Variants in SLC6A7 observed in about 807,000 individuals in gnomAD.
SLC6A7 encodes the protein solute carrier family 6 member 7, also known as sodium-dependent proline transporter.
Under a neutral mutation model 73.1 loss-of-function variants are expected in SLC6A7, and 58 were observed. The ratio of observed to expected loss-of-function variants is 0.79; its 90% CI spans 0.64 to 0.99. The LOEUF is 0.99. Among genes scored for constraint, SLC6A7 ranks in the 50% least tolerant of loss-of-function variants. The pLI, the probability that SLC6A7 is intolerant of heterozygous loss-of-function variation, is 0.00. For missense variants in SLC6A7, 783 were observed against 831.4 expected, an observed-to-expected ratio of 0.94 and a Z score of 0.72; for synonymous variants, 338 against 338.7, an observed-to-expected ratio of 1.00 and a Z score of 0.02.
In SLC6A7 at chr5:150,199,222, C is replaced by A. The variant is rs748110370; in HGVS notation, c.585-6C>A. The A allele has an allele frequency of 1.9e-6, 3 of 1,588,010 alleles. No homozygotes were observed. Among genetic ancestry groups the A allele is most frequent in the Admixed American group, 3.5e-5 (2 of 57,920 alleles). ...CAGGGGACACTGAGACCTTTGTCTC[C>A]CACAGCCGCTACGTCCTCCACATCC... is the stretch of plus-strand genomic sequence containing the variant. On this transcript the variant is annotated splice_region_variant and splice_polypyrimidine_tract_variant and intron_variant, in intron 4 of 13. Transcript: ENST00000230671.
At position 150,190,352 on chromosome 5, in the gene SLC6A7, C is replaced by T; in HGVS notation, c.25C>T (p.Leu9Phe). 1 of 1,504,916 alleles carries T rather than the reference C, an allele frequency of 6.6e-7. No homozygotes were observed. Among genetic ancestry groups the T allele is most frequent in the South Asian group, 1.3e-5 (1 of 79,434 alleles). The allele number at this position is 1,504,916 out of a possible 1,614,324, so 93.2% of individuals were successfully genotyped here. A position where few individuals can be genotyped will look rare whatever the true frequency, so the allele number is the denominator to read the frequency against. Residue 9 changes from leucine to phenylalanine, a missense_variant, in exon 1 of 14, where the codon CTC becomes TTC. Leu to Phe is a conservative substitution (Grantham distance 22). Coordinates refer to ENST00000230671, the MANE Select transcript of SLC6A7 (RefSeq NM_014228.5). ...GATGAAGAAGCTCCAGGGAGCTCAC[C>T]TCCGCAAGGTAGGGCACGAGGGCGG... MKKLQGAH[L>F]RKPVTPDLLM...
chr5:150,201,925 G>A (rs1753404797), intron 6 of SLC6A7, among the ~76,000 whole-genome samples: 1 of 152,170 alleles, frequency 6.6e-6, no homozygotes, highest in Admixed American at 6.5e-5. Flanking sequence ...CGGTCCAGAG[G>A]GGTGACCTGG....
Position 150,207,871 on chromosome 5 carries a change from G to A in SLC6A7, c.1702-1535G>A, listed in dbSNP as rs371980782. On this transcript the variant is annotated intron_variant, in intron 13 of 13. Transcript: ENST00000230671. ...CAATTTTAGGCCAGGGGTTCTCACAGGGGGTGATTTTGCCCTTGGGGGACA... is the reference window on the plus strand; with the variant it reads ...CAATTTTAGGCCAGGGGTTCTCACAAGGGGTGATTTTGCCCTTGGGGGACA... Among the ~76,000 whole-genome samples the A allele has an allele frequency of 1.1e-4, 16 of 152,188 alleles. No individual in the cohort carries two copies. In the East Asian group the frequency reaches 3.1e-3, roughly 29 times the overall value.
At chr5:150,206,657 C>A (rs1312247044) in intron 13 of SLC6A7, among the ~76,000 whole-genome samples, 1 of 152,252 alleles carries the variant, frequency 6.6e-6, no homozygotes, top group African/African-American at 2.4e-5. Context: ...CACAGGGGCA[C>A]CCTGGAGTCT....
rs2113961529 is a variant in SLC6A7 at position 150,190,324 on chromosome 5, C to T, written c.-4C>T. 1 of 1,512,500 alleles carries T rather than the reference C, an allele frequency of 6.6e-7. No individual in the cohort carries two copies. Among genetic ancestry groups the T allele is most frequent in the Non-Finnish European group, 8.8e-7 (1 of 1,131,256 alleles). 93.7% of individuals were successfully genotyped at this position (1,512,500 alleles called of 1,614,324 possible). Reference sequence around the variant, plus strand: ...AGCTGAGCCCCGGCCACCCGCTCTCCAAGATGAAGAAGCTCCAGGGAGCTC... The same window carrying T: ...AGCTGAGCCCCGGCCACCCGCTCTCTAAGATGAAGAAGCTCCAGGGAGCTC... On this transcript the variant is annotated 5_prime_UTR_variant, in exon 1 of 14. Coordinates refer to ENST00000230671, the MANE Select transcript of SLC6A7 (RefSeq NM_014228.5).
intron 13 of SLC6A7, 55 bp from the exon 14 acceptor site, chr5:150,209,351 C>A: frequency 6.9e-7 from 1 of 1,445,630 alleles, no homozygotes; most frequent in Non-Finnish European, 9.7e-7. Context: ...CACAGTGAAC[C>A]CTCCACCAGC....
chr5:150,208,255 G>C (rs1753796328), intron 13 of SLC6A7, among the ~76,000 whole-genome samples: 1 of 152,142 alleles, frequency 6.6e-6, no homozygotes, highest in African/African-American at 2.4e-5. Flanking sequence ...GATGGTCAGA[G>C]AAGACCTCTC....
rs758120753 is a variant in SLC6A7, at chr5:150,209,849, T to C, written c.*234T>C. On this transcript the variant is annotated 3_prime_UTR_variant, in exon 14 of 14. Coordinates refer to ENST00000230671, the MANE Select transcript of SLC6A7 (RefSeq NM_014228.5). ...CAGACCCACTCAAAGCTGAGAATGA[T>C]CCAACTCAGCCCTACTTTGCGGATG... The C allele has an allele frequency of 1.2e-5, 7 of 566,086 alleles. No individual in the cohort carries two copies. The highest frequency in any genetic ancestry group is 4.2e-5 in the South Asian group (2 of 47,886). 35.1% of individuals were successfully genotyped at this position (566,086 alleles called of 1,614,324 possible). A position where few individuals can be genotyped will look rare whatever the true frequency, so the allele number is the denominator to read the frequency against.
intron 8 of SLC6A7, among the ~76,000 whole-genome samples, chr5:150,203,420 A>G (rs939713876): frequency 6.6e-6 from 1 of 152,186 alleles, no homozygotes; most frequent in Non-Finnish European, 1.5e-5. Flanking sequence ...ATACATAAGT[A>G]TATTTCAATG....
rs781035764 is a variant in SLC6A7, at chr5:150,205,632, G to A, written c.1701+9G>A. 2.5e-6 allele frequency: 4 copies of A among 1,599,354 alleles called. No individual in the cohort carries two copies. The highest frequency in any genetic ancestry group is 1.1e-5 in the South Asian group (1 of 88,282). The stretch of plus-strand genomic sequence containing the variant: ...AGGGCTCACTCTGGGAGGTGAGTCT[G>A]CCCACCCTGTCCACTCTCAGCCTTC... On this transcript the variant is annotated intron_variant, in intron 13 of 13. Transcript: ENST00000230671.
At chr5:150,209,172 C>T (rs570079940) in intron 13 of SLC6A7, among the ~76,000 whole-genome samples, 84 of 152,342 alleles carry the variant, frequency 5.5e-4, no homozygotes, top group Middle Eastern at 3.4e-3. Context: ...CACCCAGAGC[C>T]GAGCGGCATT....
At chr5:150,205,380 A>C in intron 12 of SLC6A7, 76 bp from the exon 13 acceptor site, 2 of 1,279,984 alleles carry the variant, frequency 1.6e-6, no homozygotes, top group Non-Finnish European at 2.2e-6. Context: ...TTGGGCTGGC[A>C]CTAGGCTGGG....
intron 13 of SLC6A7, among the ~76,000 whole-genome samples, chr5:150,208,418 C>G (rs1402951168): frequency 6.6e-6 from 1 of 152,070 alleles, no homozygotes; most frequent in Non-Finnish European, 1.5e-5. Flanking sequence ...GCGGCTGGAG[C>G]AGAGGGGGTG....
At chr5:150,191,903 C>T (rs1752805080) in intron 1 of SLC6A7, among the ~76,000 whole-genome samples, 1 of 151,908 alleles carries the variant, frequency 6.6e-6, no homozygotes, top group African/African-American at 2.4e-5. Context: ...CAAGCTTTAT[C>T]TCATTTAATC....
intron 13 of SLC6A7, among the ~76,000 whole-genome samples, chr5:150,207,245 G>A (rs1341774993): frequency 1.3e-5 from 2 of 152,024 alleles, no homozygotes; most frequent in African/African-American, 4.8e-5. Context: ...CAATAGGCAG[G>A]TTTTTTTGTC....
chr5:150,205,692 G>A (rs1374737010), intron 13 of SLC6A7, 69 bp downstream of exon 13: 2 of 1,401,538 alleles, frequency 1.4e-6, no homozygotes, highest in Non-Finnish European at 1.9e-6. Flanking sequence ...CCCCCTGCTA[G>A]AACAGAAAAC....
At position 150,203,822 on chromosome 5, in the gene SLC6A7, T is replaced by TGTGTGG. The variant is rs1554116784; in HGVS notation, c.1200+48_1200+49insGGTGTG. The TGTGTGG allele has an allele frequency of 3.0e-4, 163 of 535,234 alleles. 1 individual carries two copies. In the African/African-American group the frequency reaches 3.5e-3, roughly 11 times the overall value. The allele number at this position is 535,234 out of a possible 1,614,324, so 33.2% of individuals were successfully genotyped here. A position where few individuals can be genotyped will look rare whatever the true frequency, so the allele number is the denominator to read the frequency against. On this transcript the variant is annotated intron_variant, in intron 9 of 13. Coordinates refer to ENST00000230671, the MANE Select transcript of SLC6A7 (RefSeq NM_014228.5). Reference sequence around the variant, plus strand: ...CAGCAGGCACCCCGTGTGTGTGTGGTGTGTGTGTGTGTGTGTGTGTGTGTG... The same window carrying TGTGTGG: ...CAGCAGGCACCCCGTGTGTGTGTGGTGTGTGGGTGTGTGTGTGTGTGTGTGTGTGTG...
chr5:150,197,242 A>C lies in SLC6A7; in HGVS notation c.550A>C (p.Thr184Pro). Residue 184 changes from threonine to proline, a missense_variant, in exon 4 of 14, where the codon ACC (threonine) becomes CCC (proline). Transcript: ENST00000230671. ...DGNGALPLNL[T>P]CTVSPSEEYW... ...CAACGGGGCCCTGCCCCTCAACCTCACCTGCACCGTCAGCCCCAGCGAGGA... is the reference window on the plus strand; with the variant it reads ...CAACGGGGCCCTGCCCCTCAACCTCCCCTGCACCGTCAGCCCCAGCGAGGA... The C allele has an allele frequency of 6.2e-7, 1 of 1,612,304 alleles. No individual in the cohort carries two copies.
Position 150,209,601 on chromosome 5 carries a change from G to T in SLC6A7, c.1897G>T (p.Glu633Ter), listed in dbSNP as rs745889984. ...EVDREIAEEE[E>*]SMM Reference sequence around the variant, plus strand: ...GGACCGTGAGATTGCAGAGGAGGAGGAGTCGATGATGTGAGGCAGGAGGCA... The same window carrying T: ...GGACCGTGAGATTGCAGAGGAGGAGTAGTCGATGATGTGAGGCAGGAGGCA... The change falls in exon 14 of 14, where the codon GAG (glutamate) becomes TAG (stop). Residue 633 changes from glutamate to a stop codon, truncating the protein, a stop_gained. Coordinates refer to ENST00000230671, the MANE Select transcript of SLC6A7 (RefSeq NM_014228.5). LOFTEE classifies it high-confidence loss of function. 3.7e-6 allele frequency: 6 copies of T among 1,605,888 alleles called. No homozygotes were observed. The highest frequency in any genetic ancestry group is 5.1e-6 in the Non-Finnish European group (6 of 1,175,912).
Sources: gnomAD v4.1 joint callset for allele counts (sites outside exome capture counted in the v4.1 genomes callset) on GRCh38, gnomAD v4.1.1 for gene constraint, MANE v1.5 for transcripts, NCBI Gene and HGNC (gene_info 2026-07-23, HGNC 2026-07-21) for gene names.